Variants in STKLD1 observed in about 807,000 individuals in gnomAD.
The protein encoded by STKLD1 is serine/threonine kinase-like domain-containing protein STKLD1.
In STKLD1, 79 loss-of-function variants were observed where a neutral mutation model predicts 80.4. That is an observed-to-expected ratio of 0.98 (90% CI 0.82 to 1.19). The LOEUF is 1.19. Ranked by LOEUF, STKLD1 falls within the 50% of genes most tolerant of loss-of-function variation. The pLI is 0.00. For synonymous variants in STKLD1, 393 were observed against 357.6 expected (o/e 1.10, Z -1.12); for missense variants, 841 against 856.0 (o/e 0.98, Z 0.22).
At chr9:133,395,478 C>A in intron 8 of STKLD1, 122 bp from the exon 9 acceptor site, 2 of 1,066,042 alleles carry the variant, frequency 1.9e-6, no homozygotes, top group South Asian at 1.7e-5. Flanking sequence ...TAGACGGTGG[C>A]CACACCTGGC....
In STKLD1 at chr9:133,384,948, C is replaced by G. The variant is rs1477982351; in HGVS notation, c.220-669C>G. Among the ~76,000 whole-genome samples the G allele has an allele frequency of 1.3e-5, 2 of 152,150 alleles. No homozygotes were observed. Among genetic ancestry groups the G allele is most frequent in the African/African-American group, 4.8e-5 (2 of 41,440 alleles). ...GGAATTGCTGGCTCTGGAGCTTGGC[C>G]AGCAAACATTATTGGGTGTATAGTG... is the stretch of plus-strand genomic sequence containing the variant. On this transcript the variant is annotated intron_variant, in intron 3 of 17. Transcript: ENST00000371957. The surrounding 1 kb of genome is among the most constrained non-coding windows in gnomAD (Gnocchi z 4.3).
Position 133,389,660 on chromosome 9 carries a change from A to ACTC in STKLD1, c.467+65_467+67dup. 1.2e-6 allele frequency: 2 copies of ACTC among 1,601,644 alleles called. No individual in the cohort carries two copies. Among genetic ancestry groups the ACTC allele is most frequent in the Non-Finnish European group, 1.7e-6 (2 of 1,173,066 alleles). On this transcript the variant is annotated intron_variant, in intron 6 of 17. Coordinates refer to ENST00000371957, the MANE Select transcript of STKLD1 (RefSeq NM_153710.5). This position sits in a 1 kb window ranked among gnomAD's most constrained non-coding sequence, Gnocchi z 6.4. ...CTTCGGGAGAAAAGGCACTGAGGCC[A>ACTC]CTCGGGTGCCAGTGCCCGTGGGCAG...
chr9:133,380,074 C>T (rs1247896644), intron 2 of STKLD1, among the ~76,000 whole-genome samples: 3 of 152,054 alleles, frequency 2.0e-5, no homozygotes, highest in African/African-American at 4.8e-5. Context: ...CTTGCTCTGT[C>T]GCCAAGGCTA....
intron 13 of STKLD1, 80 bp downstream of exon 13, chr9:133,401,958 G>T: frequency 6.4e-7 from 1 of 1,559,786 alleles, no homozygotes; most frequent in Non-Finnish European, 8.7e-7. Context: ...TTGGTTTGGG[G>T]TATAGGTGGG....
chr9:133,392,639 ATAGGTGGGTGGGTGAG>A (rs1288329135), intron 7 of STKLD1, among the ~76,000 whole-genome samples: 43 of 65,246 alleles, frequency 6.6e-4, no homozygotes, highest in African/African-American at 2.2e-3. Flanking sequence ...GGATGGATGG[ATAGGTGGGTGGGTGAG>A]TGGATGGGTG....
Position 133,403,006 on chromosome 9 carries a change from C to A in STKLD1, c.1468C>A (p.Leu490Met). Residue 490 changes from leucine to methionine, a missense_variant, in exon 14 of 18, where the codon CTG becomes ATG. Transcript: ENST00000371957. ...SGLGLLWALL[L>M]DGIIVNKAPL... The stretch of plus-strand genomic sequence containing the variant: ...CCTGGGCCTGCTCTGGGCCCTCCTG[C>A]TGGACGGTGAGGGGCCCTCCTCCTG... 1.3e-6 allele frequency: 2 copies of A among 1,567,134 alleles called. No individual in the cohort carries two copies. The highest frequency in any genetic ancestry group is 1.7e-6 in the Non-Finnish European group (2 of 1,156,092).
rs2130275878 is a variant in STKLD1, at chr9:133,385,879, T to C, written c.294+188T>C. Among the ~76,000 whole-genome samples, 80 of 151,488 alleles carry C rather than the reference T, an allele frequency of 5.3e-4. 1 individual carries two copies. The highest frequency in any genetic ancestry group is 1.8e-3 in the African/African-American group (75 of 41,294). On this transcript the variant is annotated intron_variant, in intron 4 of 17. Transcript: ENST00000371957. This position sits in a 1 kb window ranked among gnomAD's most constrained non-coding sequence, Gnocchi z 4.9. ...CAGGTACCATGCTGGGGGCTTTCGG[T>C]GCATAGTCTCATAGGAGCCCCAAAA...
chr9:133,404,970 G>T, intron 17 of STKLD1, 41 bp downstream of exon 17: 1 of 1,602,804 alleles, frequency 6.2e-7, no homozygotes, highest in South Asian at 1.1e-5. Flanking sequence ...AGAGCCCAGC[G>T]GTCAGGGGTG....
chr9:133,399,743 G>A (rs1367520430), intron 11 of STKLD1, among the ~76,000 whole-genome samples: 1 of 152,194 alleles, frequency 6.6e-6, no homozygotes, highest in African/African-American at 2.4e-5. Context: ...GCCAGACGTG[G>A]TGGCGCATGC....
chr9:133,380,606 T>A (rs1032375961), intron 2 of STKLD1, among the ~76,000 whole-genome samples: 1 of 152,070 alleles, frequency 6.6e-6, no homozygotes, highest in African/African-American at 2.4e-5. Flanking sequence ...TGAGTCGAGA[T>A]TGCGCCACTG....
Position 133,389,223 on chromosome 9 carries a change from G to A in STKLD1, c.397-303G>A, listed in dbSNP as rs1838328978. 1.0e-6 allele frequency: 1 copy of A among 985,260 alleles called. No individual in the cohort carries two copies. Among genetic ancestry groups the A allele is most frequent in the Non-Finnish European group, 1.2e-6 (1 of 829,926 alleles). 61.0% of individuals were successfully genotyped at this position (985,260 alleles called of 1,614,324 possible). On this transcript the variant is annotated intron_variant, in intron 5 of 17. Transcript: ENST00000371957. The surrounding 1 kb of genome is among the most constrained non-coding windows in gnomAD (Gnocchi z 6.4). ...TGCCTTCAGCTCCCAGCAAGTGTGG[G>A]GCAGCGCGGGCCACAGAGTAGGGTG... is the stretch of plus-strand genomic sequence containing the variant.
chr9:133,396,086 G>C (rs1377412703), intron 9 of STKLD1: 2 of 194,962 alleles, frequency 1.0e-5, no homozygotes, highest in African/African-American at 4.6e-5. Context: ...AAAGACAATG[G>C]TCACCTTTAA....
chr9:133,389,694 G>A lies in STKLD1; in HGVS notation c.467+98G>A, dbSNP rs2130284892. ...CCAGTGCCCGTGGGCAGGATCTGGGGAGAAAGGTGCACCGGGCCAGTGCAG... is the reference window on the plus strand; with the variant it reads ...CCAGTGCCCGTGGGCAGGATCTGGGAAGAAAGGTGCACCGGGCCAGTGCAG... On this transcript the variant is annotated intron_variant, in intron 6 of 17. Coordinates refer to ENST00000371957, the MANE Select transcript of STKLD1 (RefSeq NM_153710.5). This position sits in a 1 kb window ranked among gnomAD's most constrained non-coding sequence, Gnocchi z 6.4. The A allele has an allele frequency of 3.5e-5, 55 of 1,559,284 alleles. No individual in the cohort carries two copies. The East Asian group carries it at 1.1e-3, about 30-fold the overall frequency.
chr9:133,405,419 T>C lies in STKLD1; in HGVS notation c.2041T>C (p.Ter681GlnextTer6), dbSNP rs1554778552. Residue 681 changes from the stop codon to glutamine, a stop_lost, in exon 18 of 18, where the codon TAG becomes CAG. Coordinates refer to ENST00000371957, the MANE Select transcript of STKLD1 (RefSeq NM_153710.5). ...LGCTTSGGLE[*>Q] ...GTGCACCACGTCTGGGGGACTGGAATAGATGTTTGTATGGAACTGACCTTG... is the reference window on the plus strand; with the variant it reads ...GTGCACCACGTCTGGGGGACTGGAACAGATGTTTGTATGGAACTGACCTTG... 1 of 1,603,790 alleles carries C rather than the reference T, an allele frequency of 6.2e-7. No homozygotes were observed. The highest frequency in any genetic ancestry group is 1.1e-5 in the South Asian group (1 of 90,664).
chr9:133,388,534 G>A (rs2130282420), intron 5 of STKLD1, among the ~76,000 whole-genome samples: 10 of 152,074 alleles, frequency 6.6e-5, no homozygotes, highest in African/African-American at 9.7e-5. Context: ...GATGTGAGCC[G>A]CCGCGCCTAG....
chr9:133,382,793 G>A (rs1300201998), intron 2 of STKLD1, among the ~76,000 whole-genome samples: 2 of 151,508 alleles, frequency 1.3e-5, no homozygotes, highest in African/African-American at 4.8e-5. Flanking sequence ...TGGTAATGAT[G>A]GTGATGATAG....
rs33919837 is a variant in STKLD1 at position 133,403,828 on chromosome 9, G to A, written c.1603G>A (p.Gly535Ser). Residue 535 changes from glycine to serine, a missense_variant and splice_region_variant, in exon 15 of 18, where the codon GGC becomes AGC. Physicochemically the swap from Gly to Ser is moderately conservative, Grantham distance 56. Coordinates refer to ENST00000371957, the MANE Select transcript of STKLD1 (RefSeq NM_153710.5). The part of the protein sequence containing the change: ...CGVFWLLSLL[G>S]CIKEQQFEQV... ...AGTCTTCTGGCTGCTGTCCCTGCTG[G>A]GTGAGCTGGGTGGGCGCCCTGGGCC... The A allele has an allele frequency of 1.2e-6, 2 of 1,613,366 alleles. No homozygotes were observed. Among genetic ancestry groups the A allele is most frequent in the East Asian group, 2.2e-5 (1 of 44,886 alleles).
Position 133,385,534 on chromosome 9 carries a change from TG to T in STKLD1, c.220-80del. 1 of 1,379,244 alleles carries T rather than the reference TG, an allele frequency of 7.3e-7. No individual in the cohort carries two copies. The highest frequency in any genetic ancestry group is 1.0e-6 in the Non-Finnish European group (1 of 975,870). 85.4% of individuals were successfully genotyped at this position (1,379,244 alleles called of 1,614,324 possible). The stretch of plus-strand genomic sequence containing the variant: ...CAGAGCCCGAGGCTTGCATGTTTGT[TG>T]GGATGTGTGACAGAGAAGCCCGAGC... On this transcript the variant is annotated intron_variant, in intron 3 of 17. Coordinates refer to ENST00000371957, the MANE Select transcript of STKLD1 (RefSeq NM_153710.5). The surrounding 1 kb of genome is among the most constrained non-coding windows in gnomAD (Gnocchi z 4.9).
At chr9:133,380,104 C>T (rs1418159131) in intron 2 of STKLD1, among the ~76,000 whole-genome samples, 3 of 152,132 alleles carry the variant, frequency 2.0e-5, no homozygotes, top group Non-Finnish European at 4.4e-5. Flanking sequence ...GGTGTGATCT[C>T]AGCTCACTGC....
Sources: gnomAD v4.1 joint callset for allele counts (sites outside exome capture counted in the v4.1 genomes callset) on GRCh38, gnomAD v4.1.1 for gene constraint, Gnocchi (gnomAD v3.1) non-coding constraint, MANE v1.5 for transcripts, NCBI Gene and HGNC (gene_info 2026-07-23, HGNC 2026-07-21) for gene names.